Variants in TRMT11 observed in about 807,000 individuals in gnomAD.
The protein encoded by TRMT11 is tRNA (guanine(10)-N(2))-methyltransferase TRMT11.
TRMT11 carries 53 observed loss-of-function variants against 62.8 expected under a neutral mutation model. That is an observed-to-expected ratio of 0.84 (90% CI 0.68 to 1.06). The LOEUF (loss-of-function observed/expected upper bound fraction) is 1.06. Ranked by LOEUF, TRMT11 falls within the 50% of genes least tolerant of loss-of-function variation. TRMT11 has a pLI of 0.00. For missense variants in TRMT11, 556 were observed against 553.4 expected, an observed-to-expected ratio of 1.00 and a Z score of -0.05; for synonymous variants, 188 against 190.3, an observed-to-expected ratio of 0.99 and a Z score of 0.10.
chr6:126,130,148 A>G (rs1439181847), intron 21 of TRMT11, among the ~76,000 whole-genome samples: 2 of 152,048 alleles, frequency 1.3e-5, no homozygotes, highest in Non-Finnish European at 2.9e-5. Flanking sequence ...TGAGCATTTC[A>G]TCTGTGATAA....
At chr6:126,169,205 A>G (rs1243139674) in intron 21 of TRMT11, among the ~76,000 whole-genome samples, 2 of 152,104 alleles carry the variant, frequency 1.3e-5, no homozygotes, top group Admixed American at 1.3e-4. Context: ...GGCCAGCTTT[A>G]CCCATTTGTG....
intron 12 of TRMT11, among the ~76,000 whole-genome samples, chr6:126,026,493 C>T (rs11969109): frequency 2.3e-4 from 35 of 151,916 alleles, no homozygotes; most frequent in African/African-American, 8.2e-4. Flanking sequence ...TCAAGTGATT[C>T]TCCTTGCCTC....
Position 126,151,842 on chromosome 6 carries a change from C to CTTTCTTTCTTTCTTTG in TRMT11, c.*1824-22968_*1824-22967insGTTTCTTTCTTTCTTT, listed in dbSNP as rs1583890708. 2.3e-5 allele frequency among the ~76,000 whole-genome samples: 3 copies of CTTTCTTTCTTTCTTTG among 130,280 alleles called. No homozygotes were observed. The East Asian group carries it at 6.7e-4, about 29-fold the overall frequency. The allele number at this position is 130,280 out of a possible 152,430, so 85.5% of individuals were successfully genotyped here. A position where few individuals can be genotyped will look rare whatever the true frequency, so the allele number is the denominator to read the frequency against. ...TCTTTCTTTCTTTCTTTCTTTCTTT[C>CTTTCTTTCTTTCTTTG]TTTCTTTCTTTCTTTCTTTCTTTCC... On this transcript the variant is annotated intron_variant and NMD_transcript_variant, in intron 21 of 22. Transcript: ENST00000648977.
intron 21 of TRMT11, among the ~76,000 whole-genome samples, chr6:126,137,111 C>G (rs1408452479): frequency 4.0e-5 from 6 of 151,358 alleles, no homozygotes; most frequent in Admixed American, 3.3e-4. Context: ...AAAGCACAGG[C>G]AACAAAAATA....
the TRMT11 span, among the ~76,000 whole-genome samples, chr6:126,252,996 A>G: frequency 6.6e-6 from 1 of 152,206 alleles, no homozygotes; most frequent in Non-Finnish European, 1.5e-5. Flanking sequence ...AATGCTGCCA[A>G]TAACTCCAGC....
rs6913602 is a variant in TRMT11, at chr6:126,080,218, C to T, written c.*1437+27028C>T. 3.2e-3 allele frequency among the ~76,000 whole-genome samples: 488 copies of T among 152,174 alleles called. 5 individuals carry two copies. Among genetic ancestry groups the T allele is most frequent in the African/African-American group, 0.011 (467 of 41,532 alleles). On this transcript the variant is annotated intron_variant and NMD_transcript_variant, in intron 17 of 22. Transcript: ENST00000648977. ...CAGGGCTCAAGTGGTCCTCCCCACT[C>T]AGCCTCCTGAATAGCTAGAACTACA...
chr6:126,131,741 A>C (rs549767887), intron 21 of TRMT11, among the ~76,000 whole-genome samples: 3 of 152,172 alleles, frequency 2.0e-5, no homozygotes, highest in African/African-American at 7.2e-5. Flanking sequence ...TTTTCTAGCA[A>C]ATTAATTCAG....
intron 1 of TRMT11, among the ~76,000 whole-genome samples, chr6:126,187,250 T>G (rs975271259): frequency 6.6e-6 from 1 of 151,184 alleles, no homozygotes; most frequent in African/African-American, 2.5e-5. Flanking sequence ...AAATAATAAG[T>G]GAATTTAGTC....
intron 17 of TRMT11, among the ~76,000 whole-genome samples, chr6:126,055,919 TCTC>T (rs1182774142): frequency 3.3e-5 from 5 of 152,146 alleles, no homozygotes; most frequent in African/African-American, 1.2e-4. Context: ...TCTTTCTTCT[TCTC>T]CTTCTCGTGG....
downstream of TRMT11, among the ~76,000 whole-genome samples, chr6:126,040,654 A>G (rs1274311201): frequency 6.6e-6 from 1 of 152,078 alleles, no homozygotes; most frequent in Non-Finnish European, 1.5e-5. Flanking sequence ...CCTGCATTTC[A>G]GAAAGTCCTG....
intron 11 of TRMT11, among the ~76,000 whole-genome samples, chr6:126,018,214 T>C (rs1471054518): frequency 1.3e-5 from 2 of 152,160 alleles, no homozygotes; most frequent in Non-Finnish European, 2.9e-5. Flanking sequence ...TAAATTTTGA[T>C]TGTAGTAAGG....
At chr6:126,104,346 G>A (rs1777439579) in intron 17 of TRMT11, among the ~76,000 whole-genome samples, 1 of 152,208 alleles carries the variant, frequency 6.6e-6, no homozygotes, top group Non-Finnish European at 1.5e-5. Flanking sequence ...GGTTCAGTAA[G>A]CCTTTCAGAG....
chr6:126,254,440 T>C, the TRMT11 span, among the ~76,000 whole-genome samples: 1 of 152,244 alleles, frequency 6.6e-6, no homozygotes, highest in Admixed American at 6.5e-5. Flanking sequence ...GAACACTTAC[T>C]GTGTACCAAG....
At chr6:126,093,623 A>ATTTTTTTTTTTTTTT (rs1301464523) in intron 17 of TRMT11, among the ~76,000 whole-genome samples, 4 of 101,198 alleles carry the variant, frequency 4.0e-5, no homozygotes, top group African/African-American at 1.6e-4. Context: ...ATATATATAT[A>ATTTTTTTTTTTTTTT]TATATATATT....
downstream of TRMT11, among the ~76,000 whole-genome samples, chr6:126,203,721 G>A (rs1778761397): frequency 1.3e-5 from 2 of 152,230 alleles, no homozygotes; most frequent in Non-Finnish European, 2.9e-5. Flanking sequence ...AATGTGATTA[G>A]TTAAATAAAT....
chr6:125,995,842 A>G, intron 2 of TRMT11, 125 bp from the exon 3 acceptor site: 1 of 665,508 alleles, frequency 1.5e-6, no homozygotes, highest in Non-Finnish European at 2.7e-6. Flanking sequence ...TTTTGGTTAC[A>G]GTCAGATCAG....
chr6:126,029,931 C>T (rs1340942135), intron 12 of TRMT11, among the ~76,000 whole-genome samples: 7 of 151,914 alleles, frequency 4.6e-5, no homozygotes, highest in Non-Finnish European at 1.0e-4. Context: ...TGCCAGATGT[C>T]AAAGTTTAAT....
chr6:126,216,420 A>G, the TRMT11 span, among the ~76,000 whole-genome samples: 1 of 151,922 alleles, frequency 6.6e-6, no homozygotes, highest in Admixed American at 6.6e-5. Flanking sequence ...TTCCATTGTC[A>G]TTTGTTTCAG....
intron 21 of TRMT11, among the ~76,000 whole-genome samples, chr6:126,127,998 A>T (rs1237413345): frequency 2.6e-5 from 4 of 152,126 alleles, no homozygotes; most frequent in African/African-American, 9.7e-5. Flanking sequence ...TTAAAATCAC[A>T]ATATTGTACG....
Sources: allele counts gnomAD v4.1 joint callset (sites outside exome capture counted in the v4.1 genomes callset), GRCh38; gene constraint gnomAD v4.1.1; transcripts MANE v1.5; gene names NCBI Gene and HGNC (gene_info 2026-07-23, HGNC 2026-07-21).